Variants in SUGCT observed in about 807,000 individuals in gnomAD.
SUGCT encodes succinyl-CoA:glutarate CoA-transferase.
SUGCT carries 41 observed loss-of-function variants against 55.0 expected under a neutral mutation model. The observed-to-expected ratio is 0.74, with a 90% confidence interval of 0.58 to 0.97. The LOEUF is 0.97. Among genes scored for constraint, SUGCT ranks in the 50% least tolerant of loss-of-function variants. SUGCT has a pLI of 0.00. For synonymous variants in SUGCT, 187 were observed against 200.4 expected (o/e 0.93, Z 0.56); for missense variants, 568 against 547.8 (o/e 1.04, Z -0.37).
intron 13 of SUGCT, among the ~76,000 whole-genome samples, chr7:40,785,590 G>A (rs1789970812): frequency 6.6e-6 from 1 of 152,092 alleles, no homozygotes; most frequent in Admixed American, 6.6e-5. Context: ...GTGGCTCACA[G>A]CTGGCATTCT....
chr7:40,888,929 T>G, the SUGCT span, among the ~76,000 whole-genome samples: 1 of 152,262 alleles, frequency 6.6e-6, no homozygotes, highest in African/African-American at 2.4e-5. Context: ...CTAGGCTGGC[T>G]CTGCTGCTCT....
At chr7:40,219,254 A>G (rs934225311) in intron 6 of SUGCT, among the ~76,000 whole-genome samples, 2 of 152,128 alleles carry the variant, frequency 1.3e-5, no homozygotes, top group Non-Finnish European at 2.9e-5. Context: ...AACTCCAGAC[A>G]CACCATCTTT....
chr7:40,244,126 T>C (rs1789652394), intron 7 of SUGCT, among the ~76,000 whole-genome samples: 1 of 152,290 alleles, frequency 6.6e-6, no homozygotes, highest in African/African-American at 2.4e-5. Flanking sequence ...TGAGCCCAGA[T>C]TGCGCCACTG....
At chr7:40,639,377 C>T (rs1562918695) in intron 12 of SUGCT, among the ~76,000 whole-genome samples, 1 of 152,144 alleles carries the variant, frequency 6.6e-6, no homozygotes, top group South Asian at 2.1e-4. Context: ...AGCAGATGAA[C>T]TTGAGTTTAA....
At chr7:41,005,344 T>G in the SUGCT span, among the ~76,000 whole-genome samples, 3 of 152,026 alleles carry the variant, frequency 2.0e-5, no homozygotes, top group Admixed American at 1.3e-4. Context: ...TAATATTAGA[T>G]TGGAAACTTT....
intron 12 of SUGCT, among the ~76,000 whole-genome samples, chr7:40,641,036 A>G (rs1436034633): frequency 1.3e-5 from 2 of 152,224 alleles, no homozygotes; most frequent in Non-Finnish European, 2.9e-5. Context: ...ATCCCTGTTT[A>G]CAAGAAGTTC....
chr7:40,960,510 G>T, the SUGCT span, among the ~76,000 whole-genome samples: 1 of 152,062 alleles, frequency 6.6e-6, no homozygotes, highest in East Asian at 1.9e-4. Context: ...ACAAAATCCT[G>T]GACAATACAT....
intron 9 of SUGCT, among the ~76,000 whole-genome samples, chr7:40,421,325 C>T (rs1443179181): frequency 1.3e-5 from 2 of 152,100 alleles, no homozygotes; most frequent in Non-Finnish European, 2.9e-5. Flanking sequence ...AGATCTGTTG[C>T]TGGGGTTTGT....
chr7:40,151,922 T>A (rs1424135078), intron 1 of SUGCT, among the ~76,000 whole-genome samples: 1 of 152,086 alleles, frequency 6.6e-6, no homozygotes, highest in Non-Finnish European at 1.5e-5. Context: ...ATTGGATGGG[T>A]CAGAGATGAA....
the SUGCT span, among the ~76,000 whole-genome samples, chr7:40,912,672 A>G: frequency 6.6e-6 from 1 of 151,174 alleles, no homozygotes; most frequent in South Asian, 2.1e-4. Context: ...CTTTGTAAGA[A>G]TTGTTCTTAG....
chr7:40,603,921 A>G (rs1024954620), intron 12 of SUGCT, among the ~76,000 whole-genome samples: 6 of 152,168 alleles, frequency 3.9e-5, no homozygotes, highest in African/African-American at 1.4e-4. Flanking sequence ...TCGTGAGTTT[A>G]AGATATAGAT....
chr7:40,979,846 G>T, the SUGCT span: 1 of 152,116 alleles, frequency 6.6e-6, no homozygotes, highest in Admixed American at 6.5e-5. Flanking sequence ...CGGGGAAAAG[G>T]GACTGTTAAA....
At chr7:40,242,933 ATTTTTT>A (rs70996894) in intron 7 of SUGCT, among the ~76,000 whole-genome samples, 10 of 17,202 alleles carry the variant, frequency 5.8e-4, no homozygotes, top group Admixed American at 2.8e-3. Context: ...ATATATATAT[ATTTTTT>A]TTTTTTTTTT....
chr7:40,468,826 C>T (rs1790262466), intron 11 of SUGCT, among the ~76,000 whole-genome samples: 1 of 152,108 alleles, frequency 6.6e-6, no homozygotes, highest in South Asian at 2.1e-4. Flanking sequence ...TACATTTTCC[C>T]AGATCTTTGC....
At chr7:40,135,680 G>T (rs867867610) in intron 1 of SUGCT, among the ~76,000 whole-genome samples, 36 of 151,234 alleles carry the variant, frequency 2.4e-4, no homozygotes, top group African/African-American at 8.8e-4. Context: ...TTTTTGAGAC[G>T]GAGTCTCGCT....
chr7:40,243,971 G>A (rs529254657), intron 7 of SUGCT, among the ~76,000 whole-genome samples: 14 of 152,158 alleles, frequency 9.2e-5, no homozygotes, highest in East Asian at 3.9e-4. Flanking sequence ...TTAGGAGTTC[G>A]AGACCAGCCT....
the SUGCT span, among the ~76,000 whole-genome samples, chr7:41,016,019 G>A: frequency 1.3e-5 from 2 of 152,112 alleles, no homozygotes; most frequent in Non-Finnish European, 1.5e-5. Flanking sequence ...TTGAAGGACT[G>A]ATGTTTCAGG....
downstream of SUGCT, among the ~76,000 whole-genome samples, chr7:40,863,242 G>A (rs569848487): frequency 1.2e-4 from 18 of 152,140 alleles, no homozygotes; most frequent in African/African-American, 4.1e-4. Flanking sequence ...TCAAAACAAA[G>A]AGGATTTTAT....
At chr7:40,316,670 A>T (rs371986233) in intron 8 of SUGCT, 90 bp from the exon 9 acceptor site, 1 of 784,364 alleles carries the variant, frequency 1.3e-6, no homozygotes, top group African/African-American at 1.8e-5. Flanking sequence ...AATGAGATGA[A>T]GTGAAATTAC....
Sources: allele counts gnomAD v4.1 joint callset (sites outside exome capture counted in the v4.1 genomes callset), GRCh38; gene constraint gnomAD v4.1.1; transcripts MANE v1.5; gene names NCBI Gene and HGNC (gene_info 2026-07-23, HGNC 2026-07-21).